The following PCDHAC2 variants were observed in gnomAD, a reference collection of about 807,000 sequenced individuals.
The protein encoded by PCDHAC2 is protocadherin alpha subfamily C, 2, also known as protocadherin alpha-C2.
PCDHAC2 carries 24 observed loss-of-function variants against 63.3 expected under a neutral mutation model. That is an observed-to-expected ratio of 0.38 (90% CI 0.27 to 0.53). The LOEUF (loss-of-function observed/expected upper bound fraction) is 0.53, where lower values mean the gene tolerates loss of function less well. Ranked by LOEUF, PCDHAC2 falls within the 20% of genes least tolerant of loss-of-function variation. PCDHAC2 has a pLI of 0.81. For missense variants in PCDHAC2, 1,181 were observed against 1,275.2 expected, an observed-to-expected ratio of 0.93 and a Z score of 1.12; for synonymous variants, 569 against 529.4, an observed-to-expected ratio of 1.07 and a Z score of -1.03.
At position 140,968,792 on chromosome 5, in the gene PCDHAC2, A is replaced by G. The variant is rs200477554; in HGVS notation, c.2026A>G (p.Ile676Val). The G allele has an allele frequency of 2.5e-6, 4 of 1,614,186 alleles. No individual in the cohort carries two copies. The highest frequency in any genetic ancestry group is 3.3e-5 in the Admixed American group (2 of 60,012). ...GCCATCACTATCAGCCTCTGTGGCC[A>G]TTACAGTAGCTGTGGTGGATAGGGT... ...GEPSLSASVA[I>V]TVAVVDRVSK... Residue 676 changes from isoleucine (I) to valine (V), a missense_variant, in exon 1 of 4, where the codon ATT becomes GTT. Physicochemically the swap from Ile to Val is conservative, Grantham distance 29 (BLOSUM62 3). This residue lies in a region of PCDHAC2 where 968 missense variants were observed against 1,073.5 expected (regional missense o/e 0.90). Transcript: ENST00000289269.
In PCDHAC2 at chr5:141,011,894, T is replaced by G. The variant is rs1303053966; in HGVS notation, c.*1957T>G. 6.5e-6 allele frequency: 1 copy of G among 153,306 alleles called. No homozygotes were observed. The highest frequency in any genetic ancestry group is 1.5e-5 in the Non-Finnish European group (1 of 68,044). The allele number at this position is 153,306 out of a possible 1,614,324, so 9.5% of individuals were successfully genotyped here. ...AATTTAGAAGTTTGATTAATTATAT[T>G]ATCTATTTAGGCATTAATATAAAAG... On this transcript the variant is annotated 3_prime_UTR_variant, in exon 4 of 4. Transcript: ENST00000289269.
chr5:141,011,852 A>T lies in PCDHAC2; in HGVS notation c.*1915A>T, dbSNP rs1288551420. 1 of 153,718 alleles carries T rather than the reference A, an allele frequency of 6.5e-6. No individual in the cohort carries two copies. The highest frequency in any genetic ancestry group is 1.5e-5 in the Non-Finnish European group (1 of 68,038). 9.5% of individuals were successfully genotyped at this position (153,718 alleles called of 1,614,324 possible). A position where few individuals can be genotyped will look rare whatever the true frequency, so the allele number is the denominator to read the frequency against. ...CTGTCACCTTAAATAAGACATTTTA[A>T]TTTTGTTATAATGTACAATTTAGAA... On this transcript the variant is annotated 3_prime_UTR_variant, in exon 4 of 4. Transcript: ENST00000289269.
At chr5:140,980,553 C>G (rs1554241953) in intron 2 of PCDHAC2, among the ~76,000 whole-genome samples, 1 of 152,062 alleles carries the variant, frequency 6.6e-6, no homozygotes, top group Admixed American at 6.6e-5. Context: ...TCGCTTGAAC[C>G]CGGGAGGCGG....
rs782420685 is a variant in PCDHAC2, at chr5:140,978,941, T to G, written c.2566-8T>G. 1 of 1,614,158 alleles carries G rather than the reference T, an allele frequency of 6.2e-7. No homozygotes were observed. The highest frequency in any genetic ancestry group is 2.2e-5 in the East Asian group (1 of 44,880). On this transcript the variant is annotated splice_region_variant and splice_polypyrimidine_tract_variant and intron_variant, in intron 1 of 3. Transcript: ENST00000289269. ...TTTTAACAGAAAACTCTCTTTGTGA[T>G]TTTGCAGCCACGACAGCCCAACCCT...
chr5:141,003,708 A>T (rs1251126675), intron 3 of PCDHAC2, among the ~76,000 whole-genome samples: 1 of 152,218 alleles, frequency 6.6e-6, no homozygotes, highest in Non-Finnish European at 1.5e-5. Flanking sequence ...CCAATTGTGA[A>T]GATATCGGCT....
At chr5:140,997,910 A>T (rs2097790102) in intron 3 of PCDHAC2, among the ~76,000 whole-genome samples, 2 of 152,234 alleles carry the variant, frequency 1.3e-5, no homozygotes. Flanking sequence ...AAGTAGAATT[A>T]CAGAATCATA....
At chr5:140,993,431 C>T (rs1171497178) in intron 3 of PCDHAC2, among the ~76,000 whole-genome samples, 1 of 149,406 alleles carries the variant, frequency 6.7e-6, no homozygotes, top group African/African-American at 2.5e-5. Context: ...TTTTAAAATC[C>T]TTATTCATTC....
intron 2 of PCDHAC2, among the ~76,000 whole-genome samples, chr5:140,981,353 C>G (rs551731316): frequency 6.6e-6 from 1 of 152,048 alleles, no homozygotes; most frequent in East Asian, 1.9e-4. Context: ...GCAGGTGGAT[C>G]ACTTGAGGTC....
chr5:140,993,462 TCACACACACACACACA>T (rs3836747), intron 3 of PCDHAC2, among the ~76,000 whole-genome samples: 191 of 141,044 alleles, frequency 1.4e-3, no homozygotes, highest in African/African-American at 3.8e-3. Context: ...TCTTTCTTTC[TCACACACACACACACA>T]CACACACACA....
chr5:140,968,059 G>A lies in PCDHAC2; in HGVS notation c.1293G>A (p.Arg431=), dbSNP rs1554230273. 6.2e-7 allele frequency: 1 copy of A among 1,614,106 alleles called. No homozygotes were observed. The highest frequency in any genetic ancestry group is 1.1e-5 in the South Asian group (1 of 91,074). The change falls in exon 1 of 4, where the codon CGG becomes CGA. Residue 431 remains arginine, a synonymous_variant. Transcript: ENST00000289269. The stretch of plus-strand genomic sequence containing the variant: ...TGAGCGGCCCACTGGACCGAGAGCG[G>A]GTGGCTGTCTACAACATCACGGTGA... ...LVVSGPLDRE[R]VAVYNITVTA... is the part of the protein sequence containing the mutation.
chr5:140,986,345 C>T (rs1442253492), intron 3 of PCDHAC2, among the ~76,000 whole-genome samples: 2 of 152,172 alleles, frequency 1.3e-5, no homozygotes, highest in African/African-American at 4.8e-5. Flanking sequence ...GTTGCAGCCT[C>T]TTCTTCAGAT....
intron 3 of PCDHAC2, among the ~76,000 whole-genome samples, chr5:140,986,342 C>G (rs1390823261): frequency 4.6e-5 from 7 of 152,184 alleles, no homozygotes; most frequent in African/African-American, 1.7e-4. Flanking sequence ...ACAGTTGCAG[C>G]CTCTTCTTCA....
chr5:140,966,820 G>A lies in PCDHAC2; in HGVS notation c.54G>A (p.Arg18=). Residue 18 remains arginine, a synonymous_variant, in exon 1 of 4, where the codon CGG becomes CGA. Coordinates refer to ENST00000289269, the MANE Select transcript of PCDHAC2 (RefSeq NM_018899.6). ...PAATEHPRLR[R]PMPWLLLLPL... is the part of the protein sequence containing the mutation. ...CGACAGAGCATCCACGGCTCCGGCG[G>A]CCCATGCCCTGGCTGCTGCTACTGC... 6.4e-7 allele frequency: 1 copy of A among 1,557,392 alleles called. No individual in the cohort carries two copies. The highest frequency in any genetic ancestry group is 8.7e-7 in the Non-Finnish European group (1 of 1,155,586).
chr5:140,997,349 G>A (rs954510019), intron 3 of PCDHAC2, among the ~76,000 whole-genome samples: 3 of 152,256 alleles, frequency 2.0e-5, no homozygotes, highest in South Asian at 2.1e-4. Context: ...ATCATAGAAT[G>A]TACTTACATA....
rs145253621 is a variant in PCDHAC2, at chr5:140,991,776, T to A, written c.2713+9213T>A. 4.1e-3 allele frequency among the ~76,000 whole-genome samples: 632 copies of A among 152,312 alleles called. 6 individuals carry two copies. Among genetic ancestry groups the A allele is most frequent in the South Asian group, 0.036 (174 of 4,822 alleles). ...CATGCTCTTCAAAATTCTTCTAGACTCTGCCCATTTCCCAATCTCAAGGCC... is the reference window on the plus strand; with the variant it reads ...CATGCTCTTCAAAATTCTTCTAGACACTGCCCATTTCCCAATCTCAAGGCC... On this transcript the variant is annotated intron_variant, in intron 3 of 3. Coordinates refer to ENST00000289269, the MANE Select transcript of PCDHAC2 (RefSeq NM_018899.6).
intron 3 of PCDHAC2, among the ~76,000 whole-genome samples, chr5:140,994,668 G>A (rs2097644296): frequency 6.6e-6 from 1 of 152,118 alleles, no homozygotes; most frequent in Admixed American, 6.5e-5. Context: ...TCACACTACT[G>A]CACTCCAGCC....
intron 1 of PCDHAC2, among the ~76,000 whole-genome samples, chr5:140,976,117 G>C (rs782098917): frequency 5.4e-4 from 82 of 152,208 alleles, no homozygotes; most frequent in Admixed American, 1.4e-3. Flanking sequence ...ATTTTTCCAA[G>C]TTTAATCAAG....
intron 3 of PCDHAC2, among the ~76,000 whole-genome samples, chr5:140,993,075 G>A (rs531612224): frequency 1.3e-3 from 191 of 152,324 alleles, no homozygotes; most frequent in African/African-American, 4.5e-3. Flanking sequence ...CCTGCAGTCT[G>A]CAATCAGCAG....
At chr5:140,973,062 G>GTC (rs1554234872) in intron 1 of PCDHAC2, among the ~76,000 whole-genome samples, 1 of 152,138 alleles carries the variant, frequency 6.6e-6, no homozygotes, top group African/African-American at 2.4e-5. Context: ...GTCCAACAGT[G>GTC]TCTCAGTGGG....
Sources: gnomAD v4.1 joint callset for allele counts (sites outside exome capture counted in the v4.1 genomes callset) on GRCh38, gnomAD v4.1.1 for gene constraint, gnomAD v4.1.1 regional missense constraint, MANE v1.5 for transcripts, NCBI Gene and HGNC (gene_info 2026-07-23, HGNC 2026-07-21) for gene names.